The following KITLG variants were observed in gnomAD, a reference collection of about 807,000 sequenced individuals.
KITLG encodes c-Kit ligand.
KITLG carries 13 observed loss-of-function variants against 34.1 expected under a neutral mutation model. The ratio of observed to expected loss-of-function variants is 0.38; its 90% CI spans 0.25 to 0.61. KITLG has a LOEUF of 0.61. Ranked by LOEUF, KITLG falls within the 20% of genes least tolerant of loss-of-function variation. KITLG has a pLI of 0.60. For synonymous variants in KITLG, 110 were observed against 104.0 expected, an observed-to-expected ratio of 1.06 and a Z score of -0.35; for missense variants, 292 against 318.9, an observed-to-expected ratio of 0.92 and a Z score of 0.64.
chr12:88,532,974 T>A (rs1870155448), intron 2 of KITLG, among the ~76,000 whole-genome samples: 1 of 152,180 alleles, frequency 6.6e-6, no homozygotes, highest in Non-Finnish European at 1.5e-5. Flanking sequence ...CTACTGAATC[T>A]TACTTAACAA....
intron 3 of KITLG, among the ~76,000 whole-genome samples, chr12:88,525,012 A>G (rs559120596): frequency 1.3e-5 from 2 of 152,236 alleles, no homozygotes; most frequent in East Asian, 3.9e-4. Context: ...CCTGACTTGG[A>G]TAGGCCAACC....
At chr12:88,497,890 A>C (rs937644752) in intron 9 of KITLG, among the ~76,000 whole-genome samples, 6 of 152,200 alleles carry the variant, frequency 3.9e-5, no homozygotes, top group African/African-American at 1.4e-4. Flanking sequence ...GATTTCGTTC[A>C]ATACTTCCAA....
At chr12:88,539,056 T>C (rs1870428247) in intron 2 of KITLG, among the ~76,000 whole-genome samples, 1 of 152,160 alleles carries the variant, frequency 6.6e-6, no homozygotes, top group Non-Finnish European at 1.5e-5. Flanking sequence ...AAACTGGCAC[T>C]GGCTGCATAC....
Position 88,580,465 on chromosome 12 carries a change from G to C in KITLG, c.-187C>G, listed in dbSNP as rs912460237. ...TTCTAGTCTCGGCGCGAGGCGGCGA[G>C]CGAAGCCCGGCTGCTGAGCCGCCGG... On this transcript the variant is annotated 5_prime_UTR_variant, in exon 1 of 10. Coordinates refer to ENST00000644744, the MANE Select transcript of KITLG (RefSeq NM_000899.5). 5.7e-6 allele frequency: 4 copies of C among 706,102 alleles called. No individual in the cohort carries two copies. Among genetic ancestry groups the C allele is most frequent in the Admixed American group, 5.4e-5 (2 of 37,186 alleles). The allele number at this position is 706,102 out of a possible 1,614,324, so 43.7% of individuals were successfully genotyped here. A position where few individuals can be genotyped will look rare whatever the true frequency, so the allele number is the denominator to read the frequency against.
chr12:88,501,972 G>A (rs981508351), intron 9 of KITLG, among the ~76,000 whole-genome samples: 1 of 152,100 alleles, frequency 6.6e-6, no homozygotes, highest in Non-Finnish European at 1.5e-5. Flanking sequence ...GGCACAAAAT[G>A]TTCATTTAGG....
intron 2 of KITLG, among the ~76,000 whole-genome samples, chr12:88,536,559 A>C (rs1433905752): frequency 6.6e-6 from 1 of 152,206 alleles, no homozygotes; most frequent in Non-Finnish European, 1.5e-5. Context: ...GGCACTATTC[A>C]CAATAGCAAA....
At chr12:88,497,841 A>G (rs1490305581) in intron 9 of KITLG, among the ~76,000 whole-genome samples, 1 of 152,202 alleles carries the variant, frequency 6.6e-6, no homozygotes, top group African/African-American at 2.4e-5. Flanking sequence ...GTTAGGTTCT[A>G]GCAATCATTT....
At chr12:88,568,169 A>T (rs1379901959) in intron 1 of KITLG, among the ~76,000 whole-genome samples, 1 of 152,180 alleles carries the variant, frequency 6.6e-6, no homozygotes, top group Non-Finnish European at 1.5e-5. Context: ...GACACAGAGC[A>T]GACAGTCTAA....
chr12:88,498,531 A>C (rs1868726988), intron 9 of KITLG, among the ~76,000 whole-genome samples: 1 of 152,176 alleles, frequency 6.6e-6, no homozygotes, highest in Non-Finnish European at 1.5e-5. Flanking sequence ...AAGCAAAAGG[A>C]TGTATTTTTT....
intron 1 of KITLG, among the ~76,000 whole-genome samples, chr12:88,546,346 A>G (rs1870719954): frequency 6.6e-6 from 1 of 152,236 alleles, no homozygotes; most frequent in African/African-American, 2.4e-5. Flanking sequence ...AGAGATGTAT[A>G]TTTTTAGACC....
At chr12:88,525,800 G>A (rs908164629) in intron 3 of KITLG, among the ~76,000 whole-genome samples, 1 of 152,098 alleles carries the variant, frequency 6.6e-6, no homozygotes, top group African/African-American at 2.4e-5. Flanking sequence ...TGACCACCAA[G>A]CTCCAGCATC....
intron 1 of KITLG, among the ~76,000 whole-genome samples, chr12:88,559,484 C>T (rs1391126632): frequency 6.6e-6 from 1 of 152,146 alleles, no homozygotes; most frequent in Non-Finnish European, 1.5e-5. Flanking sequence ...GCAGTCTGCT[C>T]CTACGGCCCT....
chr12:88,560,898 G>A (rs1238606822), intron 1 of KITLG, among the ~76,000 whole-genome samples: 1 of 150,722 alleles, frequency 6.6e-6, no homozygotes, highest in Non-Finnish European at 1.5e-5. Flanking sequence ...AACCTGGGAG[G>A]CGGAGGTTGC....
intron 1 of KITLG, among the ~76,000 whole-genome samples, chr12:88,557,266 T>G (rs1456667487): frequency 6.6e-6 from 1 of 152,186 alleles, no homozygotes; most frequent in African/African-American, 2.4e-5. Flanking sequence ...GATAAAAGAC[T>G]GGTACCTCAG....
At chr12:88,505,118 A>AT (rs774225546) in intron 9 of KITLG, 41 bp downstream of exon 9, 283 of 1,076,560 alleles carry the variant, frequency 2.6e-4, no homozygotes, top group Non-Finnish European at 2.7e-4. Flanking sequence ...TTAAAGTATA[A>AT]TAAAAAAAAG....
rs1868568220 is a variant in KITLG at position 88,494,894 on chromosome 12, T to C, written c.*2325A>G. ...CTGGGATAAAATAAGCAAAGATAAATATATATTTTCATCTCAAAGCAGAAA... is the reference window on the plus strand; with the variant it reads ...CTGGGATAAAATAAGCAAAGATAAACATATATTTTCATCTCAAAGCAGAAA... On this transcript the variant is annotated 3_prime_UTR_variant, in exon 10 of 10. Transcript: ENST00000644744. 1 of 151,970 alleles carries C rather than the reference T, an allele frequency of 6.6e-6. No homozygotes were observed. The allele number at this position is 151,970 out of a possible 1,614,324, so 9.4% of individuals were successfully genotyped here. A position where few individuals can be genotyped will look rare whatever the true frequency, so the allele number is the denominator to read the frequency against.
intron 4 of KITLG, among the ~76,000 whole-genome samples, chr12:88,518,069 C>A (rs142605986): frequency 6.6e-6 from 1 of 152,082 alleles, no homozygotes; most frequent in Non-Finnish European, 1.5e-5. Flanking sequence ...AATAACCTAA[C>A]GTCGACCCTG....
At chr12:88,521,450 T>C (rs1024680297) in intron 3 of KITLG, among the ~76,000 whole-genome samples, 3 of 152,162 alleles carry the variant, frequency 2.0e-5, no homozygotes, top group Admixed American at 6.5e-5. Flanking sequence ...TGATTAAAGA[T>C]TGTCAAATTT....
At chr12:88,519,108 C>T (rs898841471) in intron 3 of KITLG, among the ~76,000 whole-genome samples, 3 of 152,058 alleles carry the variant, frequency 2.0e-5, no homozygotes, top group Admixed American at 6.6e-5. Flanking sequence ...ATGATCCACC[C>T]GTCTCAGCTT....
Sources: gnomAD v4.1 joint callset for allele counts (sites outside exome capture counted in the v4.1 genomes callset) on GRCh38, gnomAD v4.1.1 for gene constraint, MANE v1.5 for transcripts, NCBI Gene and HGNC (gene_info 2026-07-23, HGNC 2026-07-21) for gene names.